TENM2: variants seen among roughly 807,000 people sequenced by gnomAD.
TENM2 encodes the protein teneurin-2.
In TENM2, 52 loss-of-function variants were observed where a neutral mutation model predicts 245.2. That is an observed-to-expected ratio of 0.21 (90% CI 0.17 to 0.27). The LOEUF (loss-of-function observed/expected upper bound fraction) is 0.27, where lower values mean the gene tolerates loss of function less well. Ranked by LOEUF, TENM2 falls within the 10% of genes least tolerant of loss-of-function variation. TENM2 has a pLI of 1.00. For missense variants in TENM2, 3,046 were observed against 3,666.8 expected, an observed-to-expected ratio of 0.83 and a Z score of 4.37; for synonymous variants, 1,363 against 1,438.9, an observed-to-expected ratio of 0.95 and a Z score of 1.19.
intron 2 of TENM2, among the ~76,000 whole-genome samples, chr5:167,548,992 G>A (rs1772753841): frequency 6.6e-6 from 1 of 152,182 alleles, no homozygotes; most frequent in Non-Finnish European, 1.5e-5. Context: ...TTAATCCTTA[G>A]TATCAATAGC....
At chr5:168,238,220 A>AGG in intron 25 of TENM2, among the ~76,000 whole-genome samples, 1 of 127,654 alleles carries the variant, frequency 7.8e-6, no homozygotes, top group African/African-American at 2.9e-5. Flanking sequence ...GGAGGGAGAG[A>AGG]GAAGAAAAGA....
chr5:167,728,400 C>T lies in TENM2; in HGVS notation c.503-147586C>T, dbSNP rs543397141. Among the ~76,000 whole-genome samples the T allele has an allele frequency of 8.0e-4, 122 of 151,966 alleles. 2 individuals carry two copies. The highest frequency in any genetic ancestry group is 2.7e-3 in the African/African-American group (110 of 41,440). ...AGAGGATCCCTTGAGGCCAGGAATT[C>T]GAGACTGGCCTGAGCAACATTGGGA... On this transcript the variant is annotated intron_variant, in intron 2 of 28. Coordinates refer to ENST00000518659, the Ensembl canonical transcript of TENM2.
At chr5:167,875,150 T>C (rs1193751998) in intron 2 of TENM2, among the ~76,000 whole-genome samples, 2 of 152,114 alleles carry the variant, frequency 1.3e-5, no homozygotes, top group Admixed American at 6.5e-5. Flanking sequence ...CATGAAGAAA[T>C]GTAAGCAGAG....
chr5:167,470,577 T>C (rs1307724726), intron 2 of TENM2, among the ~76,000 whole-genome samples: 1 of 151,630 alleles, frequency 6.6e-6, no homozygotes. Flanking sequence ...TTCTGAACTG[T>C]AGGATTAAGG....
chr5:167,567,509 C>G (rs1055622638), intron 2 of TENM2, among the ~76,000 whole-genome samples: 4 of 152,142 alleles, frequency 2.6e-5, no homozygotes, highest in Non-Finnish European at 4.4e-5. Flanking sequence ...AGAACTCTCT[C>G]TCTGAGGATT....
chr5:167,648,717 C>T (rs935547201), intron 2 of TENM2, among the ~76,000 whole-genome samples: 3 of 152,198 alleles, frequency 2.0e-5, no homozygotes, highest in African/African-American at 7.2e-5. Flanking sequence ...CCCTTCACCA[C>T]AGGCTTTGAT....
chr5:167,101,849 T>TTTTATATATATATATATATATATA, the TENM2 span, among the ~76,000 whole-genome samples: 15 of 69,434 alleles, frequency 2.2e-4, no homozygotes, highest in Middle Eastern at 8.9e-3. Context: ...ATATATATAT[T>TTTTATATATATATATATATATATA]TATATATATA....
At chr5:167,069,082 A>C in the TENM2 span, among the ~76,000 whole-genome samples, 6 of 152,198 alleles carry the variant, frequency 3.9e-5, no homozygotes, top group Admixed American at 3.3e-4. Context: ...GAAGTCAACT[A>C]ATTAGCATTT....
chr5:167,959,538 T>C (rs1383531981), intron 4 of TENM2, among the ~76,000 whole-genome samples: 1 of 152,218 alleles, frequency 6.6e-6, no homozygotes, highest in East Asian at 1.9e-4. Context: ...TGCTGTGTTT[T>C]TCAGCTCCCT....
At chr5:167,727,377 G>A (rs1162665481) in intron 2 of TENM2, among the ~76,000 whole-genome samples, 2 of 152,222 alleles carry the variant, frequency 1.3e-5, no homozygotes, top group African/African-American at 2.4e-5. Flanking sequence ...CTCCCAGGGT[G>A]CTGGGATTAC....
At chr5:167,553,458 A>C (rs909426498) in intron 2 of TENM2, among the ~76,000 whole-genome samples, 1 of 152,154 alleles carries the variant, frequency 6.6e-6, no homozygotes, top group African/African-American at 2.4e-5. Context: ...GAAGTCATCT[A>C]CTCTCACATA....
intron 2 of TENM2, among the ~76,000 whole-genome samples, chr5:167,666,306 C>T (rs148828130): frequency 6.6e-5 from 10 of 152,276 alleles, no homozygotes; most frequent in Admixed American, 4.6e-4. Flanking sequence ...ACTCAGTTCA[C>T]ATAAGTGTTG....
the TENM2 span, among the ~76,000 whole-genome samples, chr5:167,192,637 T>G: frequency 1.3e-5 from 2 of 152,182 alleles, no homozygotes; most frequent in East Asian, 3.9e-4. Context: ...TGGAGTCAGA[T>G]AGGCAATATC....
intron 2 of TENM2, among the ~76,000 whole-genome samples, chr5:167,542,457 A>T (rs532572462): frequency 1.3e-5 from 2 of 152,160 alleles, no homozygotes; most frequent in African/African-American, 4.8e-5. Flanking sequence ...AAAGATACAG[A>T]TAACTAGATT....
chr5:167,320,050 T>A (rs1052726003), intron 1 of TENM2, among the ~76,000 whole-genome samples: 2 of 152,216 alleles, frequency 1.3e-5, no homozygotes, highest in African/African-American at 4.8e-5. Context: ...GCTTATGTAA[T>A]CTAGTTTGAC....
chr5:167,686,187 A>G (rs1048463279), intron 2 of TENM2, among the ~76,000 whole-genome samples: 8 of 152,226 alleles, frequency 5.3e-5, no homozygotes, highest in Non-Finnish European at 1.2e-4. Context: ...TTGTAAGGAT[A>G]CATTTGAGAA....
intron 3 of TENM2, among the ~76,000 whole-genome samples, chr5:167,923,033 G>C (rs1367538311): frequency 1.3e-5 from 2 of 152,130 alleles, no homozygotes. Flanking sequence ...CTCTAATCGA[G>C]GCCATGAGGG....
At chr5:167,911,072 C>A (rs1487306545) in intron 3 of TENM2, among the ~76,000 whole-genome samples, 3 of 152,096 alleles carry the variant, frequency 2.0e-5, no homozygotes, top group East Asian at 3.8e-4. Flanking sequence ...CTACAACAAT[C>A]TCAAGAATTA....
intron 14 of TENM2, among the ~76,000 whole-genome samples, chr5:168,194,112 G>C (rs1874462): frequency 0.82 from 124,879 of 151,890 alleles, 52,043 homozygotes; most frequent in East Asian, 0.96. Flanking sequence ...TGACAAGATT[G>C]TGACAAAGGA....
Sources: gnomAD v4.1 joint callset for allele counts (sites outside exome capture counted in the v4.1 genomes callset) on GRCh38, gnomAD v4.1.1 for gene constraint, MANE v1.5 for transcripts, NCBI Gene and HGNC (gene_info 2026-07-23, HGNC 2026-07-21) for gene names.